The following ARHGEF7 variants were observed in gnomAD, a reference collection of about 807,000 sequenced individuals.
The protein encoded by ARHGEF7 is Rho guanine nucleotide exchange factor 7.
ARHGEF7 carries 33 observed loss-of-function variants against 109.8 expected under a neutral mutation model. The observed-to-expected ratio is 0.30, with a 90% CI of 0.23 to 0.40. The LOEUF is 0.40. Ranked by LOEUF, ARHGEF7 falls within the 10% of genes least tolerant of loss-of-function variation. ARHGEF7 has a pLI of 1.00. For synonymous variants in ARHGEF7, 458 were observed against 424.6 expected (o/e 1.08, Z -0.97); for missense variants, 938 against 1,098.5 (o/e 0.85, Z 2.07).
chr13:111,126,529 C>T (rs207474458), intron 1 of ARHGEF7, among the ~76,000 whole-genome samples: 25 of 151,782 alleles, frequency 1.6e-4, no homozygotes, highest in Non-Finnish European at 3.7e-4. Context: ...AGAATATGGC[C>T]AAATTCTTGT....
At chr13:111,173,282 C>A (rs2077770060) in intron 2 of ARHGEF7, among the ~76,000 whole-genome samples, 1 of 152,188 alleles carries the variant, frequency 6.6e-6, no homozygotes, top group Non-Finnish European at 1.5e-5. Flanking sequence ...GTCTCAGAGC[C>A]TGGCAGCCTG....
chr13:111,291,394 G>C (rs1047170449), intron 18 of ARHGEF7, among the ~76,000 whole-genome samples: 4 of 152,258 alleles, frequency 2.6e-5, no homozygotes, highest in African/African-American at 4.8e-5. Flanking sequence ...CTGCATTGGG[G>C]TGGCCGGTGT....
chr13:111,280,542 C>T lies in ARHGEF7; in HGVS notation c.1590C>T (p.Ser530=), dbSNP rs775566779. Residue 530 remains serine (S), a synonymous_variant, in exon 15 of 22, where the codon AGC becomes AGT. Coordinates refer to ENST00000646102, the MANE Select transcript of ARHGEF7 (RefSeq NM_001354046.2). ...TTTTTTCCTTCTCTCCTATAGGGAG[C>T]ATGATTGAGCGGATATTAGTGTCGT... The part of the protein sequence containing the change: ...NHRNAFEISG[S]MIERILVSCN... The T allele has an allele frequency of 6.2e-7, 1 of 1,603,468 alleles. No individual in the cohort carries two copies. Among genetic ancestry groups the T allele is most frequent in the African/African-American group, 1.3e-5 (1 of 74,576 alleles).
intron 3 of ARHGEF7, among the ~76,000 whole-genome samples, chr13:111,207,285 C>T (rs899640439): frequency 5.9e-5 from 9 of 152,230 alleles, no homozygotes; most frequent in Non-Finnish European, 1.2e-4. Context: ...CCTCCCACCT[C>T]GGCCTCCTCA....
At chr13:111,214,640 G>T (rs2082899250) in intron 4 of ARHGEF7, among the ~76,000 whole-genome samples, 1 of 152,332 alleles carries the variant, frequency 6.6e-6, no homozygotes, top group African/African-American at 2.4e-5. Context: ...TTCTGGATGG[G>T]ATCTTCAGTT....
intron 19 of ARHGEF7, among the ~76,000 whole-genome samples, chr13:111,297,463 C>G (rs1487200851): frequency 6.6e-6 from 1 of 152,232 alleles, no homozygotes; most frequent in Non-Finnish European, 1.5e-5. Flanking sequence ...CATACAGTAA[C>G]CGTACCAGTT....
chr13:111,280,258 G>C lies in ARHGEF7; in HGVS notation c.1507-14G>C. The C allele has an allele frequency of 2.5e-6, 4 of 1,601,568 alleles. No individual in the cohort carries two copies. Among genetic ancestry groups the C allele is most frequent in the South Asian group, 1.1e-5 (1 of 88,102 alleles). On this transcript the variant is annotated splice_polypyrimidine_tract_variant and intron_variant, in intron 13 of 21. Coordinates refer to ENST00000646102, the MANE Select transcript of ARHGEF7 (RefSeq NM_001354046.2). ...CTAATTGTTTTTTTTTTTGTGGGGGGGGGTCTTTTTTAGGGAAAGCTTCCA... is the reference window on the plus strand; with the variant it reads ...CTAATTGTTTTTTTTTTTGTGGGGGCGGGTCTTTTTTAGGGAAAGCTTCCA...
intron 14 of ARHGEF7, 32 bp from the exon 15 acceptor site, chr13:111,280,506 C>T: frequency 6.3e-7 from 1 of 1,578,020 alleles, no homozygotes; most frequent in Non-Finnish European, 8.6e-7. Context: ...CCTGTGTTTC[C>T]ACTCGGCCTA....
At chr13:111,159,795 T>C (rs1362308727) in intron 2 of ARHGEF7, among the ~76,000 whole-genome samples, 1 of 152,230 alleles carries the variant, frequency 6.6e-6, no homozygotes, top group Non-Finnish European at 1.5e-5. Flanking sequence ...TGCAAATACT[T>C]TCTTTCCGTT....
chr13:111,213,360 C>T (rs775617546), intron 4 of ARHGEF7, among the ~76,000 whole-genome samples: 5 of 152,146 alleles, frequency 3.3e-5, no homozygotes, highest in South Asian at 2.1e-4. Context: ...TTTATTGACA[C>T]GTAACGTACA....
intron 1 of ARHGEF7, among the ~76,000 whole-genome samples, chr13:111,147,089 C>G (rs1344834450): frequency 1.3e-5 from 2 of 152,160 alleles, no homozygotes; most frequent in African/African-American, 4.8e-5. Context: ...CTGGAGACTA[C>G]ATGAGAAAGC....
At chr13:111,292,857 A>G in intron 19 of ARHGEF7, 1 of 991,534 alleles carries the variant, frequency 1.0e-6, no homozygotes, top group Non-Finnish European at 1.2e-6. Flanking sequence ...TGTTCTGGTA[A>G]TCGTGCAGAA....
In ARHGEF7 at chr13:111,168,847, A is replaced by G. The variant is rs576910031; in HGVS notation, c.252+14856A>G. The stretch of plus-strand genomic sequence containing the variant: ...ATAGGTTCCTTGATGACTGATCGCC[A>G]GTGAAGTGTTTATGGAAGCCAGGAG... On this transcript the variant is annotated intron_variant, in intron 2 of 21. Transcript: ENST00000646102. Among the ~76,000 whole-genome samples the G allele has an allele frequency of 1.1e-4, 16 of 152,354 alleles. No individual in the cohort carries two copies. The South Asian group carries it at 3.1e-3, about 30-fold the overall frequency.
At chr13:111,148,199 G>T (rs2075710796) in intron 1 of ARHGEF7, among the ~76,000 whole-genome samples, 1 of 152,180 alleles carries the variant, frequency 6.6e-6, no homozygotes, top group South Asian at 2.1e-4. Flanking sequence ...GCCCAATATT[G>T]CTGGATTAAT....
At chr13:111,226,214 A>G (rs927186849) in intron 5 of ARHGEF7, among the ~76,000 whole-genome samples, 5 of 152,260 alleles carry the variant, frequency 3.3e-5, no homozygotes, top group African/African-American at 1.2e-4. Context: ...AAGCTGCAGA[A>G]AAAGAGTTTG....
In ARHGEF7 at chr13:111,149,816, G is replaced by C. The variant is rs539435324; in HGVS notation, c.166-4089G>C. On this transcript the variant is annotated intron_variant, in intron 1 of 21. Coordinates refer to ENST00000646102, the MANE Select transcript of ARHGEF7 (RefSeq NM_001354046.2). ...GAATACTGTGAACATGCTTTATACT[G>C]TATAGCACAGTAATAACAAATACAT... 9.9e-5 allele frequency among the ~76,000 whole-genome samples: 15 copies of C among 152,262 alleles called. 1 individual carries two copies. In the South Asian group the frequency reaches 1.5e-3, roughly 15 times the overall value.
Position 111,210,113 on chromosome 13 carries a change from G to A in ARHGEF7, c.468+111G>A, listed in dbSNP as rs902964306. On this transcript the variant is annotated intron_variant, in intron 4 of 21. Coordinates refer to ENST00000646102, the MANE Select transcript of ARHGEF7 (RefSeq NM_001354046.2). Reference sequence around the variant, plus strand: ...CATTAATGGTGTTAAACAGGGCAAAGGTAGCTGGACTTCGCCTCCGTTGTG... The same window carrying A: ...CATTAATGGTGTTAAACAGGGCAAAAGTAGCTGGACTTCGCCTCCGTTGTG... 5 of 1,435,484 alleles carry A rather than the reference G, an allele frequency of 3.5e-6. No homozygotes were observed. In the African/African-American group the frequency reaches 5.6e-5, roughly 16 times the overall value. 88.9% of individuals were successfully genotyped at this position (1,435,484 alleles called of 1,614,324 possible). A position where few individuals can be genotyped will look rare whatever the true frequency, so the allele number is the denominator to read the frequency against.
chr13:111,132,286 G>A (rs1304075097), intron 1 of ARHGEF7, among the ~76,000 whole-genome samples: 1 of 152,136 alleles, frequency 6.6e-6, no homozygotes, highest in Non-Finnish European at 1.5e-5. Context: ...CTGAACAGTT[G>A]TTTGTTACTC....
intron 4 of ARHGEF7, among the ~76,000 whole-genome samples, chr13:111,212,475 G>C (rs1424655517): frequency 2.0e-5 from 3 of 152,198 alleles, no homozygotes; most frequent in African/African-American, 7.2e-5. Flanking sequence ...TGTGCTTTTA[G>C]TCTTCAACTG....
Sources: allele counts gnomAD v4.1 joint callset (sites outside exome capture counted in the v4.1 genomes callset), GRCh38; gene constraint gnomAD v4.1.1; transcripts MANE v1.5; gene names NCBI Gene and HGNC (gene_info 2026-07-23, HGNC 2026-07-21).